ADAM18: variants seen among roughly 807,000 people sequenced by gnomAD.
ADAM18 encodes ADAM metallopeptidase domain 18, also known as disintegrin and metalloproteinase domain-containing protein 18.
Under a neutral mutation model 94.4 loss-of-function variants are expected in ADAM18, and 117 were observed. That is an observed-to-expected ratio of 1.24 (90% CI 1.07 to 1.45). The LOEUF is 1.45. Among genes scored for constraint, ADAM18 ranks in the 40% most tolerant of loss-of-function variants. ADAM18 has a pLI of 0.00. For synonymous variants in ADAM18, 327 were observed against 291.6 expected (o/e 1.12, Z -1.24); for missense variants, 936 against 880.0 (o/e 1.06, Z -0.81).
chr8:39,716,169 G>A (rs996856049), intron 18 of ADAM18, among the ~76,000 whole-genome samples: 1 of 151,124 alleles, frequency 6.6e-6, no homozygotes, highest in Non-Finnish European at 1.5e-5. Flanking sequence ...ATTTTTGTTT[G>A]TTTGTTTTTC....
At chr8:39,659,352 A>C (rs1474336817) in intron 12 of ADAM18, among the ~76,000 whole-genome samples, 1 of 152,010 alleles carries the variant, frequency 6.6e-6, no homozygotes, top group African/African-American at 2.4e-5. Flanking sequence ...AGGATCCCCT[A>C]GTACTGGAAT....
chr8:39,623,106 A>G (rs1401931704), intron 6 of ADAM18, among the ~76,000 whole-genome samples: 1 of 152,196 alleles, frequency 6.6e-6, no homozygotes, highest in Non-Finnish European at 1.5e-5. Context: ...AAGTGAGAAC[A>G]TATAGTATCT....
At chr8:39,610,827 T>G in intron 6 of ADAM18, 121 bp downstream of exon 6, 1 of 1,306,184 alleles carries the variant, frequency 7.7e-7, no homozygotes, top group Non-Finnish European at 9.9e-7. Context: ...TGTATTTTTC[T>G]ACCTTTAAAT....
chr8:39,689,913 C>T (rs998395756), intron 16 of ADAM18, among the ~76,000 whole-genome samples: 1 of 152,124 alleles, frequency 6.6e-6, no homozygotes, highest in African/African-American at 2.4e-5. Flanking sequence ...GATCTTTCAC[C>T]TCCCTAGTTC....
At chr8:39,706,747 A>C (rs1822252534) in intron 17 of ADAM18, 43 bp from the exon 18 acceptor site, 2 of 1,093,062 alleles carry the variant, frequency 1.8e-6, no homozygotes, top group Non-Finnish European at 2.8e-6. Flanking sequence ...TCAGATACAA[A>C]GACTAAGACG....
chr8:39,692,792 T>C (rs1403438559), intron 17 of ADAM18, 112 bp downstream of exon 17: 7 of 706,176 alleles, frequency 9.9e-6, no homozygotes, highest in East Asian at 2.9e-5. Flanking sequence ...GGTAGACTAA[T>C]ATAAAGAAAA....
chr8:39,683,810 T>C (rs1821533604), intron 16 of ADAM18, among the ~76,000 whole-genome samples: 1 of 152,192 alleles, frequency 6.6e-6, no homozygotes, highest in African/African-American at 2.4e-5. Context: ...ATGGCAAATA[T>C]TTTCTCCTAC....
At chr8:39,674,982 C>T (rs1023390719) in intron 14 of ADAM18, among the ~76,000 whole-genome samples, 5 of 152,260 alleles carry the variant, frequency 3.3e-5, no homozygotes, top group East Asian at 3.9e-4. Flanking sequence ...GGGTTTCTGC[C>T]GAGAGATCCA....
At chr8:39,618,599 G>A (rs1034124007) in intron 6 of ADAM18, among the ~76,000 whole-genome samples, 6 of 152,146 alleles carry the variant, frequency 3.9e-5, no homozygotes, top group Non-Finnish European at 7.4e-5. Flanking sequence ...GAAACACGAC[G>A]TGAAGCTAGA....
intron 6 of ADAM18, among the ~76,000 whole-genome samples, chr8:39,619,048 G>T (rs1402448249): frequency 6.6e-6 from 1 of 151,838 alleles, no homozygotes; most frequent in African/African-American, 2.4e-5. Context: ...TATTCTCCAA[G>T]GAAAAAAGTA....
At chr8:39,632,561 A>C (rs1819958413) in intron 7 of ADAM18, among the ~76,000 whole-genome samples, 1 of 152,050 alleles carries the variant, frequency 6.6e-6, no homozygotes, top group Admixed American at 6.6e-5. Flanking sequence ...CTTTTATTTA[A>C]TATTTTGTTT....
chr8:39,690,859 C>G (rs1349547), intron 16 of ADAM18, among the ~76,000 whole-genome samples: 1 of 151,874 alleles, frequency 6.6e-6, no homozygotes, highest in Non-Finnish European at 1.5e-5. Context: ...TCTGGGTATA[C>G]GCTCAAAGGA....
rs1585890199 is a variant in ADAM18 at position 39,606,316 on chromosome 8, A to G, written c.142A>G (p.Ile48Val). The G allele has an allele frequency of 1.3e-6, 2 of 1,549,244 alleles. No homozygotes were observed. Among genetic ancestry groups the G allele is most frequent in the East Asian group, 4.6e-5 (2 of 43,072 alleles). ...SEVSERKMIYIITIDGQPYTL... is the reference protein window; with the variant it reads ...SEVSERKMIYVITIDGQPYTL... ...ATGTGTTTTATTTTAGATGATTTACATCATTACAATTGATGGACAACCTTA... is the reference window on the plus strand; with the variant it reads ...ATGTGTTTTATTTTAGATGATTTACGTCATTACAATTGATGGACAACCTTA... The change falls in exon 3 of 20, where the codon ATC becomes GTC. Residue 48 changes from isoleucine (I) to valine (V), a missense_variant. Coordinates refer to ENST00000265707, the MANE Select transcript of ADAM18 (RefSeq NM_014237.3).
intron 2 of ADAM18, among the ~76,000 whole-genome samples, chr8:39,588,375 G>A (rs1410793817): frequency 6.6e-6 from 1 of 152,098 alleles, no homozygotes; most frequent in Non-Finnish European, 1.5e-5. Context: ...TCTTTGGACA[G>A]AAGTTTATTC....
intron 17 of ADAM18, among the ~76,000 whole-genome samples, chr8:39,700,136 A>G (rs527976140): frequency 8.5e-5 from 13 of 152,314 alleles, no homozygotes; most frequent in African/African-American, 3.1e-4. Context: ...CGTATTCTAG[A>G]AATTAAAGTT....
At chr8:39,650,228 C>T (rs1180009725) in intron 12 of ADAM18, among the ~76,000 whole-genome samples, 1 of 152,114 alleles carries the variant, frequency 6.6e-6, no homozygotes, top group Non-Finnish European at 1.5e-5. Flanking sequence ...TATATTCAGT[C>T]ACTTTGAAAA....
intron 12 of ADAM18, among the ~76,000 whole-genome samples, chr8:39,655,366 AAAT>A (rs1435791070): frequency 1.1e-4 from 17 of 152,176 alleles, no homozygotes. Context: ...AACAAATTGA[AAAT>A]AATGATACAA....
intron 2 of ADAM18, among the ~76,000 whole-genome samples, chr8:39,593,067 A>G (rs1818624064): frequency 6.6e-6 from 1 of 152,090 alleles, no homozygotes; most frequent in East Asian, 1.9e-4. Context: ...ATCTTCTTAA[A>G]TCTCATGAAC....
At chr8:39,606,267 TG>T in intron 2 of ADAM18, 39 bp from the exon 3 acceptor site, 2 of 1,133,692 alleles carry the variant, frequency 1.8e-6, no homozygotes, top group Non-Finnish European at 1.3e-6. Flanking sequence ...TATATATTTC[TG>T]GTTTCCTTCA....
Sources: allele counts gnomAD v4.1 joint callset (sites outside exome capture counted in the v4.1 genomes callset), GRCh38; gene constraint gnomAD v4.1.1; transcripts MANE v1.5; gene names NCBI Gene and HGNC (gene_info 2026-07-23, HGNC 2026-07-21).